Variants in SULF1 observed in about 807,000 individuals in gnomAD.
SULF1 encodes sulfatase 1.
Under a neutral mutation model 110.5 loss-of-function variants are expected in SULF1, and 46 were observed. The observed-to-expected ratio is 0.42, with a 90% CI of 0.33 to 0.53. The LOEUF (loss-of-function observed/expected upper bound fraction) is 0.53. SULF1 is among the 20% of genes least tolerant of loss of function. The pLI is 0.12. For missense variants in SULF1, 941 were observed against 1,094.2 expected (o/e 0.86, Z 1.98); for synonymous variants, 371 against 387.1 (o/e 0.96, Z 0.49).
At chr8:69,505,144 T>C (rs1811093626) in intron 3 of SULF1, among the ~76,000 whole-genome samples, 2 of 152,194 alleles carry the variant, frequency 1.3e-5, no homozygotes, top group Non-Finnish European at 2.9e-5. Flanking sequence ...GATTGCCAGA[T>C]TGTCCCTTGT....
At chr8:69,601,856 C>G in intron 10 of SULF1, 27 bp downstream of exon 10, 7 of 1,580,128 alleles carry the variant, frequency 4.4e-6, no homozygotes, top group Non-Finnish European at 6.0e-6. Flanking sequence ...TTGCAACATT[C>G]AACTGTCGTA....
intron 22 of SULF1, among the ~76,000 whole-genome samples, chr8:69,651,056 C>CTTTT (rs1473830022): frequency 0.012 from 1,606 of 137,410 alleles, 62 homozygotes; most frequent in African/African-American, 0.044. Context: ...TTTTTCTTTT[C>CTTTT]TTTTTTTTTT....
chr8:69,600,130 G>T (rs1176722351), intron 8 of SULF1, among the ~76,000 whole-genome samples: 1 of 151,958 alleles, frequency 6.6e-6, no homozygotes, highest in Non-Finnish European at 1.5e-5. Flanking sequence ...CTCTTCTCAA[G>T]TATTCAGGAG....
chr8:69,488,890 C>T (rs187731808), upstream of SULF1, among the ~76,000 whole-genome samples: 1 of 152,040 alleles, frequency 6.6e-6, no homozygotes, highest in African/African-American at 2.4e-5. Context: ...AATGCGGTGC[C>T]CTGAGGCTCC....
intron 3 of SULF1, among the ~76,000 whole-genome samples, chr8:69,519,646 A>G (rs1443856509): frequency 6.6e-6 from 1 of 152,214 alleles, no homozygotes; most frequent in Non-Finnish European, 1.5e-5. Flanking sequence ...GGCTGTTTTC[A>G]GCATTCAGTC....
At chr8:69,633,391 C>T (rs1055744492) in intron 19 of SULF1, among the ~76,000 whole-genome samples, 6 of 146,588 alleles carry the variant, frequency 4.1e-5, no homozygotes, top group Non-Finnish European at 5.9e-5. Flanking sequence ...TGCAATGGTG[C>T]GTTCTCAGCT....
chr8:69,548,341 A>T (rs1469965005), intron 3 of SULF1, among the ~76,000 whole-genome samples: 1 of 152,216 alleles, frequency 6.6e-6, no homozygotes, highest in East Asian at 1.9e-4. Flanking sequence ...AAGGAATTTC[A>T]AACAATGTTG....
intron 22 of SULF1, among the ~76,000 whole-genome samples, chr8:69,651,489 C>A (rs1812342543): frequency 6.6e-6 from 1 of 152,102 alleles, no homozygotes; most frequent in African/African-American, 2.4e-5. Context: ...AAGAGGCAAG[C>A]TTTAGGACTG....
chr8:69,522,852 A>G (rs1042854245), intron 3 of SULF1, among the ~76,000 whole-genome samples: 5 of 152,208 alleles, frequency 3.3e-5, no homozygotes, highest in African/African-American at 9.7e-5. Flanking sequence ...CATGTATAAA[A>G]GCAACAATGG....
intron 3 of SULF1, among the ~76,000 whole-genome samples, chr8:69,541,486 T>C (rs887865984): frequency 1.3e-5 from 2 of 152,248 alleles, no homozygotes; most frequent in Admixed American, 6.5e-5. Context: ...TACCCTAGCA[T>C]ATGATTTGAG....
chr8:69,573,029 G>C (rs1244950202), intron 5 of SULF1, among the ~76,000 whole-genome samples: 1 of 152,202 alleles, frequency 6.6e-6, no homozygotes, highest in African/African-American at 2.4e-5. Context: ...GTTTTACCAT[G>C]TCGGCCAGAC....
At chr8:69,645,081 T>C (rs1811786645) in intron 22 of SULF1, among the ~76,000 whole-genome samples, 2 of 151,884 alleles carry the variant, frequency 1.3e-5, no homozygotes, top group Admixed American at 1.3e-4. Context: ...GTCGTTAGGG[T>C]ATATGTAGGT....
chr8:69,544,465 C>A (rs1814105386), intron 3 of SULF1, among the ~76,000 whole-genome samples: 1 of 152,036 alleles, frequency 6.6e-6, no homozygotes, highest in African/African-American at 2.4e-5. Context: ...GATGGAGTTT[C>A]ACCATGTTGG....
chr8:69,636,321 G>C (rs1043900458), intron 19 of SULF1, among the ~76,000 whole-genome samples: 8 of 152,138 alleles, frequency 5.3e-5, no homozygotes, highest in African/African-American at 1.9e-4. Context: ...CAGATCACGA[G>C]GTCAGGAGAT....
At chr8:69,655,782 A>G (rs1188980630) in intron 22 of SULF1, among the ~76,000 whole-genome samples, 1 of 152,148 alleles carries the variant, frequency 6.6e-6, no homozygotes, top group Non-Finnish European at 1.5e-5. Context: ...ACTCCCAGCT[A>G]TTACCTGAAT....
Position 69,627,308 on chromosome 8 carries a change from T to A in SULF1, c.1947+2T>A. ...CATAAGGCATACATTGACAAAGAGG[T>A]TAGCCATGGCTATGTGACTGTCAGA... On this transcript the variant is annotated splice_donor_variant, in intron 16 of 22. Coordinates refer to ENST00000402687, the MANE Select transcript of SULF1 (RefSeq NM_001128205.2). LOFTEE classifies it high-confidence loss of function. The A allele has an allele frequency of 6.2e-7, 1 of 1,611,598 alleles. No homozygotes were observed. The highest frequency in any genetic ancestry group is 8.5e-7 in the Non-Finnish European group (1 of 1,177,748).
intron 3 of SULF1, among the ~76,000 whole-genome samples, chr8:69,528,434 G>C (rs1812850926): frequency 6.6e-6 from 1 of 152,144 alleles, no homozygotes; most frequent in South Asian, 2.1e-4. Context: ...TATGGAAAAA[G>C]TGCAAAAATC....
chr8:69,491,094 C>T (rs933812523), upstream of SULF1, among the ~76,000 whole-genome samples: 4 of 152,202 alleles, frequency 2.6e-5, no homozygotes, highest in African/African-American at 7.2e-5. Context: ...AATCTGTATG[C>T]GTGGAGAGCA....
intron 3 of SULF1, among the ~76,000 whole-genome samples, chr8:69,559,252 G>T (rs1815315948): frequency 6.6e-6 from 1 of 152,174 alleles, no homozygotes. Context: ...CCATATCAAT[G>T]AACTTTTCAT....
Sources: gnomAD v4.1 joint callset for allele counts (sites outside exome capture counted in the v4.1 genomes callset) on GRCh38, gnomAD v4.1.1 for gene constraint, MANE v1.5 for transcripts, NCBI Gene and HGNC (gene_info 2026-07-23, HGNC 2026-07-21) for gene names.